SPOCK3: variants seen among roughly 807,000 people sequenced by gnomAD.
The protein encoded by SPOCK3 is testican-3.
Under a neutral mutation model 56.6 loss-of-function variants are expected in SPOCK3, and 30 were observed. That is an observed-to-expected ratio of 0.53 (90% CI 0.40 to 0.72). The LOEUF (loss-of-function observed/expected upper bound fraction) is 0.72, where lower values mean the gene tolerates loss of function less well. Ranked by LOEUF, SPOCK3 falls within the 30% of genes least tolerant of loss-of-function variation. The pLI, the probability that SPOCK3 is intolerant of heterozygous loss-of-function variation, is 0.00. For synonymous variants in SPOCK3, 196 were observed against 183.3 expected, an observed-to-expected ratio of 1.07 and a Z score of -0.56; for missense variants, 527 against 530.0, an observed-to-expected ratio of 0.99 and a Z score of 0.06.
rs180859960 is a variant in SPOCK3, at chr4:166,959,675, T to C, written c.350+40674A>G. 6.3e-4 allele frequency among the ~76,000 whole-genome samples: 96 copies of C among 151,950 alleles called. 3 individuals carry two copies. In the East Asian group the frequency reaches 9.7e-3, roughly 15 times the overall value. ...TAGAAAGGTAAGAGAGAAACACAACTGGAAAAAATGTGAAATACTATCTTT... is the reference window on the plus strand; with the variant it reads ...TAGAAAGGTAAGAGAGAAACACAACCGGAAAAAATGTGAAATACTATCTTT... On this transcript the variant is annotated intron_variant, in intron 4 of 10. Coordinates refer to ENST00000357545, the MANE Select transcript of SPOCK3 (RefSeq NM_001040159.2).
chr4:166,806,104 C>G (rs1442514567), intron 6 of SPOCK3, among the ~76,000 whole-genome samples: 1 of 151,940 alleles, frequency 6.6e-6, no homozygotes, highest in Non-Finnish European at 1.5e-5. Context: ...ATTGTTAAAA[C>G]AAGAATATTT....
chr4:167,070,954 C>A (rs1756614992), intron 2 of SPOCK3, among the ~76,000 whole-genome samples: 3 of 151,906 alleles, frequency 2.0e-5, no homozygotes, highest in Admixed American at 2.0e-4. Context: ...TGAAAGAATT[C>A]ATTTATAACA....
At chr4:167,229,007 C>T (rs1437219965) in intron 2 of SPOCK3, among the ~76,000 whole-genome samples, 2 of 152,168 alleles carry the variant, frequency 1.3e-5, no homozygotes, top group African/African-American at 2.4e-5. Flanking sequence ...CATGATAATG[C>T]ACTCAATTAA....
chr4:166,911,870 G>T (rs1485600386), intron 5 of SPOCK3, among the ~76,000 whole-genome samples: 1 of 151,952 alleles, frequency 6.6e-6, no homozygotes, highest in African/African-American at 2.4e-5. Context: ...TCCTTCTAGG[G>T]ACACTGCATA....
chr4:167,187,583 G>A (rs924477922), intron 2 of SPOCK3, among the ~76,000 whole-genome samples: 25 of 152,018 alleles, frequency 1.6e-4, no homozygotes, highest in African/African-American at 5.3e-4. Context: ...CTATTGTAAA[G>A]TGCTATGATT....
At chr4:167,192,094 TTA>T (rs1732516132) in intron 2 of SPOCK3, among the ~76,000 whole-genome samples, 1 of 146,230 alleles carries the variant, frequency 6.8e-6, no homozygotes, top group Non-Finnish European at 1.5e-5. Context: ...AATGATTGTT[TTA>T]TGTTGAACAA....
chr4:166,767,059 T>A lies in SPOCK3; in HGVS notation c.710-12330A>T, dbSNP rs797006938. ...ATCCCCTTTATCATTGTTTATTGCATCTATTTGATTCTTCTCTCTTTTCTT... is the reference window on the plus strand; with the variant it reads ...ATCCCCTTTATCATTGTTTATTGCAACTATTTGATTCTTCTCTCTTTTCTT... On this transcript the variant is annotated intron_variant, in intron 7 of 10. Transcript: ENST00000357545. 3.3e-5 allele frequency among the ~76,000 whole-genome samples: 5 copies of A among 152,302 alleles called. No homozygotes were observed. In the East Asian group the frequency reaches 7.7e-4, roughly 23 times the overall value.
intron 2 of SPOCK3, among the ~76,000 whole-genome samples, chr4:167,193,748 G>A (rs1732678910): frequency 6.9e-6 from 1 of 145,788 alleles, no homozygotes; most frequent in Non-Finnish European, 1.5e-5. Context: ...ATAATCTTAT[G>A]AGAGTTCTCT....
intron 3 of SPOCK3, among the ~76,000 whole-genome samples, chr4:167,037,759 A>G (rs956995587): frequency 2.0e-5 from 3 of 152,202 alleles, no homozygotes; most frequent in Admixed American, 2.0e-4. Context: ...GGTGGCTTTA[A>G]CCTTTTAGGA....
intron 2 of SPOCK3, among the ~76,000 whole-genome samples, chr4:167,195,715 C>T (rs1021660817): frequency 1.3e-5 from 2 of 152,168 alleles, no homozygotes; most frequent in African/African-American, 4.8e-5. Context: ...GGCTAAAACG[C>T]ATTGCAGATG....
At chr4:166,741,406 T>C (rs2126391905) in intron 9 of SPOCK3, among the ~76,000 whole-genome samples, 1 of 152,330 alleles carries the variant, frequency 6.6e-6, no homozygotes, top group South Asian at 2.1e-4. Flanking sequence ...AAATAGTTTA[T>C]TTAAAAATTG....
chr4:166,797,051 G>T (rs544172141), intron 6 of SPOCK3, among the ~76,000 whole-genome samples: 3 of 152,144 alleles, frequency 2.0e-5, no homozygotes, highest in Admixed American at 6.5e-5. Flanking sequence ...TGCTCTGATG[G>T]CACAATGTTT....
chr4:166,823,889 A>T (rs1311472124), intron 6 of SPOCK3, among the ~76,000 whole-genome samples: 1 of 152,120 alleles, frequency 6.6e-6, no homozygotes, highest in Non-Finnish European at 1.5e-5. Context: ...TAGCCTAAGC[A>T]AGCAAGTTTT....
intron 10 of SPOCK3, among the ~76,000 whole-genome samples, chr4:166,736,819 AAATGGTACCAC>A (rs1734262260): frequency 6.6e-6 from 1 of 152,068 alleles, no homozygotes; most frequent in African/African-American, 2.4e-5. Context: ...TATGAAGTAC[AAATGGTACCAC>A]AATGGAAACT....
rs149280359 is a variant in SPOCK3, at chr4:167,026,137, T to C, written c.236-25674A>G. ...CATCCTATATGTGGTCTGTTGTTGA[T>C]TGAAACATAATGTGGTATGTGACTG... On this transcript the variant is annotated intron_variant, in intron 3 of 10. Coordinates refer to ENST00000357545, the MANE Select transcript of SPOCK3 (RefSeq NM_001040159.2). Among the ~76,000 whole-genome samples the C allele has an allele frequency of 3.0e-4, 46 of 152,258 alleles. No individual in the cohort carries two copies. The East Asian group carries it at 8.3e-3, about 28-fold the overall frequency.
intron 3 of SPOCK3, among the ~76,000 whole-genome samples, chr4:167,059,356 C>A (rs1441742970): frequency 6.6e-6 from 1 of 152,162 alleles, no homozygotes; most frequent in Non-Finnish European, 1.5e-5. Flanking sequence ...TGAACAGACA[C>A]TTCTCAAAAG....
At chr4:167,114,553 T>C (rs1012312403) in intron 2 of SPOCK3, among the ~76,000 whole-genome samples, 2 of 152,030 alleles carry the variant, frequency 1.3e-5, no homozygotes, top group Non-Finnish European at 2.9e-5. Flanking sequence ...AGAAAAAAAT[T>C]ATGAGGAATC....
At chr4:166,936,378 C>T (rs982062554) in intron 4 of SPOCK3, among the ~76,000 whole-genome samples, 1 of 151,930 alleles carries the variant, frequency 6.6e-6, no homozygotes, top group Non-Finnish European at 1.5e-5. Context: ...TGTTTTTCAT[C>T]ATTAAATATT....
chr4:166,752,573 T>TACAC (rs67209921), intron 8 of SPOCK3, among the ~76,000 whole-genome samples: 56 of 28,922 alleles, frequency 1.9e-3, no homozygotes, highest in Middle Eastern at 0.013. Flanking sequence ...TATATATATA[T>TACAC]ACACACACAC....
Sources: allele counts gnomAD v4.1 joint callset (sites outside exome capture counted in the v4.1 genomes callset), GRCh38; gene constraint gnomAD v4.1.1; transcripts MANE v1.5; gene names NCBI Gene and HGNC (gene_info 2026-07-23, HGNC 2026-07-21).